Variants in AKT3 observed in about 807,000 individuals in gnomAD.
AKT3 encodes RAC-gamma serine/threonine-protein kinase.
A neutral mutation model predicts 65.3 loss-of-function variants in AKT3; 15 were observed. The ratio of observed to expected loss-of-function variants is 0.23; its 90% confidence interval spans 0.15 to 0.35. The LOEUF is 0.35. AKT3 is among the 10% of genes least tolerant of loss of function. AKT3 has a pLI of 1.00. For missense variants in AKT3, 243 were observed against 576.5 expected (o/e 0.42, Z 5.92); for synonymous variants, 206 against 183.8 (o/e 1.12, Z -0.98).
At chr1:243,788,357 A>T (rs368906444) in intron 2 of AKT3, among the ~76,000 whole-genome samples, 4 of 152,378 alleles carry the variant, frequency 2.6e-5, no homozygotes, top group East Asian at 3.9e-4. Context: ...TAGGTATATT[A>T]TAACAACTCT....
intron 13 of AKT3, among the ~76,000 whole-genome samples, chr1:243,508,151 G>A (rs1001612599): frequency 5.9e-5 from 9 of 152,224 alleles, no homozygotes; most frequent in African/African-American, 9.7e-5. Flanking sequence ...CAAGAAAAAG[G>A]TTATGTTGAA....
intron 3 of AKT3, among the ~76,000 whole-genome samples, chr1:243,681,232 T>C (rs1683897046): frequency 6.6e-6 from 1 of 152,132 alleles, no homozygotes; most frequent in Admixed American, 6.5e-5. Context: ...CACACATATA[T>C]GTGTATGTAT....
intron 8 of AKT3, among the ~76,000 whole-genome samples, chr1:243,576,364 T>C (rs945369179): frequency 1.3e-5 from 2 of 152,074 alleles, no homozygotes; most frequent in South Asian, 2.1e-4. Flanking sequence ...CTACTCAACA[T>C]AGTATTGGAA....
intron 8 of AKT3, among the ~76,000 whole-genome samples, chr1:243,604,034 T>A (rs1423236807): frequency 2.6e-5 from 4 of 151,974 alleles, no homozygotes; most frequent in African/African-American, 9.7e-5. Context: ...TAGCTGGGAT[T>A]ACAGGCATGC....
chr1:243,664,220 A>G (rs1268702043), intron 4 of AKT3, among the ~76,000 whole-genome samples: 56 of 110,350 alleles, frequency 5.1e-4, no homozygotes, highest in Admixed American at 2.7e-3. Context: ...TTTTTGAGAC[A>G]GAGTCTCGCT....
intron 12 of AKT3, among the ~76,000 whole-genome samples, chr1:243,532,955 T>C (rs1388429154): frequency 3.3e-5 from 5 of 152,230 alleles, no homozygotes; most frequent in Non-Finnish European, 7.3e-5. Context: ...CAGAGTATCA[T>C]CTTATAACCC....
chr1:243,768,575 C>T lies in AKT3; in HGVS notation c.47-72859G>A, dbSNP rs1017102618. 2.6e-5 allele frequency among the ~76,000 whole-genome samples: 4 copies of T among 152,102 alleles called. No individual in the cohort carries two copies. The East Asian group carries it at 5.8e-4, about 22-fold the overall frequency. The stretch of plus-strand genomic sequence containing the variant: ...GATATAGGCCGGGCGTGGTGGCTCA[C>T]GCCTGTAATCCCAGCACTTTGGGAG... On this transcript the variant is annotated intron_variant, in intron 2 of 13. Coordinates refer to ENST00000673466, the MANE Select transcript of AKT3 (RefSeq NM_005465.7).
intron 12 of AKT3, among the ~76,000 whole-genome samples, chr1:243,515,419 C>T (rs1361945101): frequency 6.7e-6 from 1 of 150,350 alleles, no homozygotes; most frequent in African/African-American, 2.4e-5. Flanking sequence ...TCCTAATTCA[C>T]TCAGAGCGTT....
At chr1:243,735,811 G>A (rs965691356) in intron 2 of AKT3, 3 of 152,136 alleles carry the variant, frequency 2.0e-5, no homozygotes, top group African/African-American at 7.2e-5. Context: ...GCCAATGACA[G>A]GTATTTGAGA....
intron 6 of AKT3, among the ~76,000 whole-genome samples, chr1:243,621,607 T>G (rs979646674): frequency 6.6e-6 from 1 of 152,136 alleles, no homozygotes; most frequent in Non-Finnish European, 1.5e-5. Context: ...TTCCTAAACT[T>G]AAAAAATGCC....
intron 2 of AKT3, among the ~76,000 whole-genome samples, chr1:243,752,918 G>A (rs947325747): frequency 2.6e-5 from 4 of 152,284 alleles, no homozygotes; most frequent in African/African-American, 7.2e-5. Flanking sequence ...CACAGACTTC[G>A]TCCCAAGCAG....
At chr1:243,717,415 T>A (rs1157429278) in intron 2 of AKT3, among the ~76,000 whole-genome samples, 1 of 152,170 alleles carries the variant, frequency 6.6e-6, no homozygotes, top group Non-Finnish European at 1.5e-5. Context: ...TGGGTTCCAA[T>A]GGTCATTGTC....
At chr1:243,812,794 G>C (rs1354589440) in intron 2 of AKT3, among the ~76,000 whole-genome samples, 1 of 152,042 alleles carries the variant, frequency 6.6e-6, no homozygotes, top group African/African-American at 2.4e-5. Context: ...TGATAGATTG[G>C]ATTAAGAAAA....
At chr1:243,490,441 T>C (rs925225751) in intron 13 of AKT3, among the ~76,000 whole-genome samples, 14 of 152,198 alleles carry the variant, frequency 9.2e-5, no homozygotes, top group African/African-American at 3.1e-4. Context: ...GCCAAGCTGT[T>C]GGGATGATTC....
At chr1:243,553,542 T>C (rs1225418487) in intron 10 of AKT3, among the ~76,000 whole-genome samples, 2 of 152,196 alleles carry the variant, frequency 1.3e-5, no homozygotes, top group Non-Finnish European at 2.9e-5. Flanking sequence ...ACAAAGTGAA[T>C]ATAAAAGCTT....
chr1:243,658,707 T>TA (rs1257004733), intron 4 of AKT3, among the ~76,000 whole-genome samples: 1 of 151,702 alleles, frequency 6.6e-6, no homozygotes, highest in Admixed American at 6.6e-5. Flanking sequence ...AGCCAAGAGG[T>TA]GGAAACAATC....
chr1:243,600,610 A>G (rs1168657988), intron 8 of AKT3, among the ~76,000 whole-genome samples: 2 of 152,162 alleles, frequency 1.3e-5, no homozygotes, highest in Non-Finnish European at 2.9e-5. Flanking sequence ...ACTTTGCAAG[A>G]AACAAATGAA....
chr1:243,720,429 T>TAAAAAA (rs66716743), intron 2 of AKT3, among the ~76,000 whole-genome samples: 2 of 96,044 alleles, frequency 2.1e-5, no homozygotes, highest in Admixed American at 9.6e-5. Flanking sequence ...AAAGACATAG[T>TAAAAAA]AAAAAAAAAA....
chr1:243,529,015 T>C (rs1011754198), intron 12 of AKT3, among the ~76,000 whole-genome samples: 1 of 152,212 alleles, frequency 6.6e-6, no homozygotes, highest in South Asian at 2.1e-4. Flanking sequence ...TGAGATGGTA[T>C]CTCACAGTGG....
Sources: allele counts gnomAD v4.1 joint callset (sites outside exome capture counted in the v4.1 genomes callset), GRCh38; gene constraint gnomAD v4.1.1; transcripts MANE v1.5; gene names NCBI Gene and HGNC (gene_info 2026-07-23, HGNC 2026-07-21).